The following TMTC1 variants were observed in gnomAD, a reference collection of about 807,000 sequenced individuals.
The protein encoded by TMTC1 is transmembrane O-mannosyltransferase targeting cadherins 1, also known as protein O-mannosyl-transferase TMTC1.
In TMTC1, 73 loss-of-function variants were observed where a neutral mutation model predicts 104.8. That is an observed-to-expected ratio of 0.70 (90% confidence interval 0.58 to 0.85). The LOEUF (loss-of-function observed/expected upper bound fraction) is 0.85, where lower values mean the gene tolerates loss of function less well. TMTC1 is among the 40% of genes least tolerant of loss of function. The pLI is 0.00. For missense variants in TMTC1, 1,035 were observed against 1,096.1 expected, an observed-to-expected ratio of 0.94 and a Z score of 0.79; for synonymous variants, 434 against 428.7, an observed-to-expected ratio of 1.01 and a Z score of -0.15.
intron 5 of TMTC1, among the ~76,000 whole-genome samples, chr12:29,669,509 C>A (rs1940421897): frequency 6.6e-6 from 1 of 152,126 alleles, no homozygotes; most frequent in Admixed American, 6.6e-5. Flanking sequence ...TCAAGGGGGA[C>A]ATGGTGAACA....
intron 9 of TMTC1, among the ~76,000 whole-genome samples, chr12:29,568,074 A>G (rs1407691428): frequency 1.3e-5 from 2 of 152,200 alleles, no homozygotes; most frequent in Admixed American, 6.5e-5. Flanking sequence ...GGGAGGGAAT[A>G]CAAAGAATTA....
chr12:29,513,828 T>C (rs758285091), intron 16 of TMTC1, among the ~76,000 whole-genome samples: 36 of 152,110 alleles, frequency 2.4e-4, no homozygotes, highest in Non-Finnish European at 4.7e-4. Context: ...ACAAGGAAAG[T>C]CCAATCTAAC....
chr12:29,687,738 G>T (rs981752511), intron 5 of TMTC1, among the ~76,000 whole-genome samples: 1 of 152,208 alleles, frequency 6.6e-6, no homozygotes, highest in Non-Finnish European at 1.5e-5. Flanking sequence ...GAGCAGTAGG[G>T]TTGGTGCCTG....
intron 7 of TMTC1, among the ~76,000 whole-genome samples, chr12:29,600,705 G>A (rs1194441079): frequency 6.6e-6 from 1 of 152,076 alleles, no homozygotes; most frequent in Non-Finnish European, 1.5e-5. Flanking sequence ...TGACCCTTTC[G>A]TCAGCCCCCA....
chr12:29,717,274 C>T (rs568825978), intron 5 of TMTC1, among the ~76,000 whole-genome samples: 1 of 152,110 alleles, frequency 6.6e-6, no homozygotes, highest in Non-Finnish European at 1.5e-5. Flanking sequence ...AAGGCGTTCA[C>T]GGGATTTCAA....
intron 5 of TMTC1, among the ~76,000 whole-genome samples, chr12:29,668,220 A>G (rs907571495): frequency 4.6e-5 from 7 of 152,166 alleles, no homozygotes; most frequent in African/African-American, 1.7e-4. Context: ...GAGGCTGGAG[A>G]GTGCAAGATC....
At chr12:29,644,913 C>CA (rs1332239752) in intron 5 of TMTC1, among the ~76,000 whole-genome samples, 1 of 152,156 alleles carries the variant, frequency 6.6e-6, no homozygotes, top group Non-Finnish European at 1.5e-5. Flanking sequence ...CCAAAGCAGA[C>CA]ACCACTCATT....
intron 5 of TMTC1, among the ~76,000 whole-genome samples, chr12:29,689,260 GTTTT>G (rs35349904): frequency 6.8e-6 from 1 of 146,766 alleles, no homozygotes; most frequent in African/African-American, 2.5e-5. Context: ...TAAGCCACTG[GTTTT>G]TTTTTTTTTA....
intron 11 of TMTC1, among the ~76,000 whole-genome samples, chr12:29,528,982 A>G (rs1592178405): frequency 6.6e-6 from 1 of 152,186 alleles, no homozygotes; most frequent in African/African-American, 2.4e-5. Flanking sequence ...CTGACTTCAG[A>G]CAGCTGGATT....
intron 5 of TMTC1, among the ~76,000 whole-genome samples, chr12:29,746,067 T>C (rs948530796): frequency 6.6e-6 from 1 of 152,236 alleles, no homozygotes; most frequent in East Asian, 1.9e-4. Context: ...TATTGGTTCA[T>C]ATCTGCTTCC....
At chr12:29,583,049 C>G (rs1370673921) in intron 8 of TMTC1, among the ~76,000 whole-genome samples, 1 of 152,172 alleles carries the variant, frequency 6.6e-6, no homozygotes, top group Non-Finnish European at 1.5e-5. Context: ...ATTTCTCTTC[C>G]CTCTGGCTGT....
At chr12:29,609,372 G>T (rs1946785070) in intron 6 of TMTC1, among the ~76,000 whole-genome samples, 1 of 152,090 alleles carries the variant, frequency 6.6e-6, no homozygotes, top group African/African-American at 2.4e-5. Context: ...CACTTCTTAG[G>T]CTCTCCTTTT....
chr12:29,673,330 G>T (rs1030798353), intron 5 of TMTC1, among the ~76,000 whole-genome samples: 4 of 152,156 alleles, frequency 2.6e-5, no homozygotes, highest in Non-Finnish European at 5.9e-5. Flanking sequence ...ATCATACATT[G>T]CATGCAAACA....
At chr12:29,677,793 T>C (rs1256732514) in intron 5 of TMTC1, among the ~76,000 whole-genome samples, 1 of 152,258 alleles carries the variant, frequency 6.6e-6, no homozygotes, top group Non-Finnish European at 1.5e-5. Context: ...TCACAGTGCT[T>C]GTACTCAAGG....
At chr12:29,545,227 C>T (rs992134353) in intron 10 of TMTC1, among the ~76,000 whole-genome samples, 1 of 152,064 alleles carries the variant, frequency 6.6e-6, no homozygotes, top group African/African-American at 2.4e-5. Context: ...AAGTTCTTCT[C>T]TGGTCTTCTT....
chr12:29,683,912 C>T (rs1029338976), intron 5 of TMTC1, among the ~76,000 whole-genome samples: 1 of 151,042 alleles, frequency 6.6e-6, no homozygotes. Flanking sequence ...GGTATGATCT[C>T]GGCTCACTGC....
intron 10 of TMTC1, among the ~76,000 whole-genome samples, chr12:29,540,974 G>T (rs1399604447): frequency 2.7e-5 from 4 of 149,432 alleles, no homozygotes; most frequent in Admixed American, 6.8e-5. Flanking sequence ...CAGCCTGGGC[G>T]ACAGAGTGAG....
At chr12:29,780,657 T>TA (rs1011434734) in intron 1 of TMTC1, among the ~76,000 whole-genome samples, 9 of 130,032 alleles carry the variant, frequency 6.9e-5, no homozygotes, top group African/African-American at 1.2e-4. Flanking sequence ...CTTAGTAAAA[T>TA]AAAAAAAATA....
chr12:29,762,786 T>C (rs1051314746), intron 2 of TMTC1, among the ~76,000 whole-genome samples: 1 of 152,238 alleles, frequency 6.6e-6, no homozygotes, highest in Admixed American at 6.5e-5. Context: ...ACGAATGCAG[T>C]GACAGTGTGG....
Sources: allele counts gnomAD v4.1 joint callset (sites outside exome capture counted in the v4.1 genomes callset), GRCh38; gene constraint gnomAD v4.1.1; transcripts MANE v1.5; gene names NCBI Gene and HGNC (gene_info 2026-07-23, HGNC 2026-07-21).